GPALPP1: variants seen among roughly 807,000 people sequenced by gnomAD.
The protein encoded by GPALPP1 is GPALPP motifs containing 1, also known as GPALPP motifs-containing protein 1.
Under a neutral mutation model 38.9 loss-of-function variants are expected in GPALPP1, and 30 were observed. The observed-to-expected ratio is 0.77, with a 90% CI of 0.58 to 1.05. GPALPP1 has a LOEUF of 1.05. Among genes scored for constraint, GPALPP1 ranks in the 50% least tolerant of loss-of-function variants. The pLI is 0.00. For synonymous variants in GPALPP1, 120 were observed against 139.2 expected (o/e 0.86, Z 0.97); for missense variants, 384 against 408.8 (o/e 0.94, Z 0.52).
intron 3 of GPALPP1, among the ~76,000 whole-genome samples, chr13:45,008,122 T>C (rs142260621): frequency 6.6e-6 from 1 of 152,316 alleles, no homozygotes; most frequent in East Asian, 1.9e-4. Flanking sequence ...TGGAGTGACT[T>C]ACACTGACCA....
At chr13:45,016,113 A>G (rs1874850657) in intron 6 of GPALPP1, among the ~76,000 whole-genome samples, 1 of 152,156 alleles carries the variant, frequency 6.6e-6, no homozygotes, top group African/African-American at 2.4e-5. Flanking sequence ...GCTTCATGTT[A>G]CTGTCAAGAT....
chr13:45,015,079 A>G lies in GPALPP1; in HGVS notation c.536A>G (p.Asp179Gly). The G allele has an allele frequency of 6.3e-7, 1 of 1,593,136 alleles. No homozygotes were observed. The highest frequency in any genetic ancestry group is 8.6e-7 in the Non-Finnish European group (1 of 1,167,654). Residue 179 changes from aspartate to glycine, a missense_variant, in exon 5 of 8, where the codon GAT (aspartate) becomes GGT (glycine). Coordinates refer to ENST00000379151, the MANE Select transcript of GPALPP1 (RefSeq NM_018559.5). The stretch of plus-strand genomic sequence containing the variant: ...ATGAAAGAAAAACTGACCAAAGGAG[A>G]TGATGTAAGTTTTAAAAACACTTTA... The part of the protein sequence containing the change: ...QRMKEKLTKG[D>G]DDSSKPIVRE...
rs777334397 is a variant in GPALPP1, at chr13:45,015,405, A to ATGCTGTGT, written c.541-25_541-18dup. On this transcript the variant is annotated intron_variant, in intron 5 of 7. Transcript: ENST00000379151. ...ATCTTATACACGATATGTACTTTCTATGCTGTGTTTTTTTTTTCTCTTAAA... is the reference window on the plus strand; with the variant it reads ...ATCTTATACACGATATGTACTTTCTATGCTGTGTTGCTGTGTTTTTTTTTTCTCTTAAA... 3 of 1,452,100 alleles carry ATGCTGTGT rather than the reference A, an allele frequency of 2.1e-6. No individual in the cohort carries two copies. In the South Asian group the frequency reaches 4.0e-5, roughly 19 times the overall value. 90.0% of individuals were successfully genotyped at this position (1,452,100 alleles called of 1,614,324 possible).
At chr13:44,995,649 G>A (rs2137951531) in intron 1 of GPALPP1, among the ~76,000 whole-genome samples, 1 of 152,244 alleles carries the variant, frequency 6.6e-6, no homozygotes, top group Admixed American at 6.5e-5. Flanking sequence ...CACATCCCAA[G>A]AAGCCCTTCA....
At chr13:45,035,582 C>G (rs1443846602) in exon 8 of GPALPP1, 5 of 152,150 alleles carry the variant, frequency 3.3e-5, no homozygotes, top group Non-Finnish European at 1.5e-5. Flanking sequence ...TATTTACATT[C>G]TTTTTAAGAA....
At chr13:45,015,194 A>T (rs1268891253) in intron 5 of GPALPP1, 111 bp downstream of exon 5, 1 of 702,504 alleles carries the variant, frequency 1.4e-6, no homozygotes, top group Admixed American at 3.9e-5. Flanking sequence ...TATGCATAAC[A>T]TTTTTTTAAA....
chr13:45,036,560 A>T (rs1876403127), exon 8 of GPALPP1: 2 of 152,240 alleles, frequency 1.3e-5, no homozygotes, highest in Non-Finnish European at 2.9e-5. Flanking sequence ...CAGCTAAGGT[A>T]TTAACTTCAG....
intron 4 of GPALPP1, among the ~76,000 whole-genome samples, chr13:45,013,588 TTTTCCCCAGGTG>T (rs1874628702): frequency 6.6e-6 from 1 of 152,186 alleles, no homozygotes; most frequent in Admixed American, 6.5e-5. Flanking sequence ...TTACCAATAT[TTTTCCCCAGGTG>T]TTAGAGAAGG....
intron 2 of GPALPP1, among the ~76,000 whole-genome samples, chr13:45,004,931 C>T (rs1265275887): frequency 1.3e-5 from 2 of 151,704 alleles, no homozygotes; most frequent in Non-Finnish European, 2.9e-5. Context: ...GCTGGGATTA[C>T]AAGCATGAGC....
intron 4 of GPALPP1, among the ~76,000 whole-genome samples, chr13:45,014,451 G>A (rs1231150707): frequency 6.6e-6 from 1 of 151,898 alleles, no homozygotes; most frequent in Non-Finnish European, 1.5e-5. Flanking sequence ...TTCATTCTTG[G>A]ATAATAGTTT....
intron 7 of GPALPP1, among the ~76,000 whole-genome samples, chr13:45,021,642 A>G (rs1309678585): frequency 6.7e-6 from 1 of 149,032 alleles, no homozygotes; most frequent in Admixed American, 6.7e-5. Context: ...AAAAAACATA[A>G]AAAAAAAAAA....
Position 45,027,831 on chromosome 13 carries a change from T to G in GPALPP1, c.851T>G (p.Leu284Ter). ...CTTATGGACATACATCATAAAAAGTTAAAGAGTAAGGCTGCTGAAGACAAA... is the reference window on the plus strand; with the variant it reads ...CTTATGGACATACATCATAAAAAGTGAAAGAGTAAGGCTGCTGAAGACAAA... ...ESLMDIHHKK[L>*]KSKAAEDKNK... The change falls in exon 8 of 8, where the codon TTA (leucine) becomes TGA (stop). Residue 284 changes from leucine (L) to a stop codon, truncating the protein, a stop_gained. Transcript: ENST00000379151. LOFTEE classifies it high-confidence loss of function. 1.9e-6 allele frequency: 3 copies of G among 1,602,770 alleles called. No homozygotes were observed. Among genetic ancestry groups the G allele is most frequent in the Middle Eastern group, 1.7e-4 (1 of 6,004 alleles).
At chr13:45,015,938 C>G (rs777224258) in intron 6 of GPALPP1, among the ~76,000 whole-genome samples, 2 of 152,040 alleles carry the variant, frequency 1.3e-5, no homozygotes, top group Non-Finnish European at 2.9e-5. Flanking sequence ...TCATTTTAGA[C>G]CTTTCTAGCT....
chr13:45,019,879 ATTTTTTTTTT>A (rs34893767), intron 6 of GPALPP1, among the ~76,000 whole-genome samples: 1 of 85,570 alleles, frequency 1.2e-5, no homozygotes, highest in Non-Finnish European at 2.0e-5. Context: ...TAATATTTTG[ATTTTTTTTTT>A]TTTTTTTTTT....
chr13:45,000,294 G>A (rs981767656), intron 1 of GPALPP1, among the ~76,000 whole-genome samples: 3 of 152,148 alleles, frequency 2.0e-5, no homozygotes, highest in Non-Finnish European at 4.4e-5. Flanking sequence ...TCTGTGCATG[G>A]TGGCAAACAC....
At chr13:45,020,812 T>C (rs981572289) in intron 7 of GPALPP1, among the ~76,000 whole-genome samples, 1 of 152,196 alleles carries the variant, frequency 6.6e-6, no homozygotes, top group Admixed American at 6.5e-5. Flanking sequence ...TTGCATATAT[T>C]TTTGTTTTAA....
chr13:44,996,391 T>C lies in GPALPP1; in HGVS notation c.88+6649T>C, dbSNP rs182603001. The stretch of plus-strand genomic sequence containing the variant: ...AAAATTCCTTAAGAGGGGCCCAGGA[T>C]TTATGGGGGTTGGAGAAGCCAGGAC... On this transcript the variant is annotated intron_variant, in intron 1 of 7. Coordinates refer to ENST00000379151, the MANE Select transcript of GPALPP1 (RefSeq NM_018559.5). Among the ~76,000 whole-genome samples the C allele has an allele frequency of 1.1e-4, 16 of 150,914 alleles. No individual in the cohort carries two copies. In the East Asian group the frequency reaches 3.1e-3, roughly 29 times the overall value.
chr13:45,010,948 A>C (rs756506848), intron 4 of GPALPP1, among the ~76,000 whole-genome samples: 1 of 152,124 alleles, frequency 6.6e-6, no homozygotes, highest in Non-Finnish European at 1.5e-5. Flanking sequence ...ATGCCACTGC[A>C]CTCCAGCCTG....
intron 6 of GPALPP1, among the ~76,000 whole-genome samples, chr13:45,019,878 G>GGT (rs1875272728): frequency 1.6e-5 from 1 of 61,234 alleles, no homozygotes. Context: ...TTAATATTTT[G>GGT]ATTTTTTTTT....
Sources: gnomAD v4.1 joint callset for allele counts (sites outside exome capture counted in the v4.1 genomes callset) on GRCh38, gnomAD v4.1.1 for gene constraint, MANE v1.5 for transcripts, NCBI Gene and HGNC (gene_info 2026-07-23, HGNC 2026-07-21) for gene names.